Variants in CUX1 observed in about 807,000 individuals in gnomAD.
CUX1 encodes the protein cut like homeobox 1.
A neutral mutation model predicts 158.8 loss-of-function variants in CUX1; 31 were observed. That is an observed-to-expected ratio of 0.20 (90% confidence interval 0.15 to 0.26). The LOEUF is 0.26. CUX1 is among the 10% of genes least tolerant of loss of function. The pLI is 1.00. For missense variants in CUX1, 1,589 were observed against 2,014.6 expected (o/e 0.79, Z 4.04); for synonymous variants, 879 against 862.1 (o/e 1.02, Z -0.34).
At chr7:102,245,729 T>G (rs1329634930) in intron 23 of CUX1, among the ~76,000 whole-genome samples, 1 of 152,168 alleles carries the variant, frequency 6.6e-6, no homozygotes, top group African/African-American at 2.4e-5. Flanking sequence ...CCCAGCACTT[T>G]GGGAGGCCAA....
intron 1 of CUX1, among the ~76,000 whole-genome samples, chr7:101,852,720 A>G (rs1019968462): frequency 1.8e-5 from 2 of 110,380 alleles, no homozygotes; most frequent in African/African-American, 6.8e-5. Flanking sequence ...CTTGTTGCCC[A>G]TGCTGGAGTG....
chr7:102,069,117 G>A (rs431821), intron 3 of CUX1, among the ~76,000 whole-genome samples: 127,368 of 152,052 alleles, frequency 0.84, 53,480 homozygotes, highest in East Asian at 0.99. Flanking sequence ...CCTCCTCCTC[G>A]ACACCCACAA....
At chr7:101,973,005 G>C (rs1453994122) in intron 2 of CUX1, among the ~76,000 whole-genome samples, 1 of 152,086 alleles carries the variant, frequency 6.6e-6, no homozygotes, top group Non-Finnish European at 1.5e-5. Context: ...CTTCCTTTTT[G>C]ATTCTAAAAA....
intron 17 of CUX1, among the ~76,000 whole-genome samples, chr7:102,200,897 C>T (rs1284840925): frequency 1.3e-5 from 2 of 151,416 alleles, no homozygotes; most frequent in African/African-American, 2.4e-5. Flanking sequence ...GTGGCATGCA[C>T]CTGTGGTCCC....
chr7:102,196,547 C>T, intron 14 of CUX1, 87 bp from the exon 15 acceptor site: 5 of 1,284,396 alleles, frequency 3.9e-6, no homozygotes, highest in East Asian at 2.4e-5. Context: ...TTCCCTTTTG[C>T]GGGGGCAAAC....
Position 101,952,910 on chromosome 7 carries a change from G to A in CUX1, c.141+36685G>A, listed in dbSNP as rs377446601. Among the ~76,000 whole-genome samples, 15 of 152,336 alleles carry A rather than the reference G, an allele frequency of 9.8e-5. No individual in the cohort carries two copies. In the East Asian group the frequency reaches 1.2e-3, roughly 12 times the overall value. On this transcript the variant is annotated intron_variant, in intron 2 of 23. Transcript: ENST00000292535. ...CTTGATTGTCTGCCTTTCCCAGGAG[G>A]ACATGGGCTCTGTCGGGACATTTTA...
intron 1 of CUX1, among the ~76,000 whole-genome samples, chr7:101,831,360 G>A (rs967302512): frequency 2.0e-5 from 3 of 151,426 alleles, no homozygotes; most frequent in Admixed American, 6.6e-5. Flanking sequence ...GTGCAATCTC[G>A]GCTCACTGCA....
chr7:101,949,624 G>A (rs1034545895), intron 2 of CUX1, among the ~76,000 whole-genome samples: 10 of 151,186 alleles, frequency 6.6e-5, no homozygotes, highest in Non-Finnish European at 8.8e-5. Context: ...TCCACCTCCC[G>A]GGTTCAAGTG....
At chr7:101,915,615 A>G (rs1584968751) in intron 1 of CUX1, among the ~76,000 whole-genome samples, 2 of 152,134 alleles carry the variant, frequency 1.3e-5, no homozygotes, top group South Asian at 4.1e-4. Context: ...ACCAAGTATT[A>G]CTCTCAGAGA....
chr7:101,936,235 T>G (rs1396285108), intron 2 of CUX1, among the ~76,000 whole-genome samples: 17 of 65,074 alleles, frequency 2.6e-4, no homozygotes, highest in East Asian at 8.7e-4. Context: ...CTGAGAAGGA[T>G]GGGAGGAGGG....
At chr7:101,993,414 A>G (rs1396626976) in intron 2 of CUX1, among the ~76,000 whole-genome samples, 1 of 152,100 alleles carries the variant, frequency 6.6e-6, no homozygotes, top group Non-Finnish European at 1.5e-5. Flanking sequence ...CCATCAGAGA[A>G]ATGGAGTCAG....
intron 8 of CUX1, chr7:102,125,853 A>G (rs1832580241): frequency 6.6e-6 from 1 of 151,722 alleles, no homozygotes; most frequent in East Asian, 1.9e-4. Context: ...TTTTGAGACA[A>G]GGTCTCACTC....
chr7:101,841,184 C>T (rs901813173), intron 1 of CUX1, among the ~76,000 whole-genome samples: 11 of 152,184 alleles, frequency 7.2e-5, no homozygotes, highest in African/African-American at 1.4e-4. Flanking sequence ...TGAGCCACCA[C>T]GCCCGGCAGG....
At chr7:102,280,129 G>T in intron 19 of CUX1, 4 of 1,595,656 alleles carry the variant, frequency 2.5e-6, no homozygotes, top group Non-Finnish European at 3.4e-6. Flanking sequence ...GGGTTCGTGA[G>T]CCCAGCCTGG....
chr7:102,167,472 C>T (rs1395418661), intron 9 of CUX1, among the ~76,000 whole-genome samples: 2 of 152,108 alleles, frequency 1.3e-5, no homozygotes, highest in African/African-American at 4.8e-5. Context: ...CAGCGCTGGC[C>T]GTTCCAGAAC....
At chr7:101,974,703 AG>A (rs1812423993) in intron 2 of CUX1, among the ~76,000 whole-genome samples, 1 of 152,276 alleles carries the variant, frequency 6.6e-6, no homozygotes, top group East Asian at 1.9e-4. Context: ...CAGCTGAGGA[AG>A]GGGGCGGGCA....
intron 8 of CUX1, among the ~76,000 whole-genome samples, chr7:102,127,968 C>T (rs1832826458): frequency 1.3e-5 from 2 of 152,238 alleles, no homozygotes; most frequent in South Asian, 4.1e-4. Flanking sequence ...CTGCCTCGGC[C>T]TCCTGAGTAG....
intron 2 of CUX1, among the ~76,000 whole-genome samples, chr7:101,938,472 T>G (rs1267991105): frequency 1.3e-5 from 2 of 152,224 alleles, no homozygotes; most frequent in African/African-American, 2.4e-5. Flanking sequence ...CCTGGAGATA[T>G]TGGTGTCAAT....
downstream of CUX1, among the ~76,000 whole-genome samples, chr7:102,262,002 C>G (rs1790434184): frequency 6.6e-6 from 1 of 152,178 alleles, no homozygotes; most frequent in African/African-American, 2.4e-5. Context: ...CCTGTAGTCC[C>G]AGCTACTTGG....
Sources: allele counts gnomAD v4.1 joint callset (sites outside exome capture counted in the v4.1 genomes callset), GRCh38; gene constraint gnomAD v4.1.1; transcripts MANE v1.5; gene names NCBI Gene and HGNC (gene_info 2026-07-23, HGNC 2026-07-21).